Variants in DEPTOR observed in about 807,000 individuals in gnomAD.
DEPTOR encodes the protein DEP domain-containing mTOR-interacting protein.
In DEPTOR, 41 loss-of-function variants were observed where a neutral mutation model predicts 41.6. The observed-to-expected ratio is 0.98, with a 90% CI of 0.77 to 1.28. The LOEUF (loss-of-function observed/expected upper bound fraction) is 1.28. Ranked by LOEUF, DEPTOR falls within the 50% of genes most tolerant of loss-of-function variation. The pLI, the probability that DEPTOR is intolerant of heterozygous loss-of-function variation, is 0.00. For synonymous variants in DEPTOR, 195 were observed against 192.3 expected, an observed-to-expected ratio of 1.01 and a Z score of -0.12; for missense variants, 514 against 527.9, an observed-to-expected ratio of 0.97 and a Z score of 0.26.
At chr8:119,980,324 T>C (rs2875930) in intron 4 of DEPTOR, among the ~76,000 whole-genome samples, 115,040 of 152,020 alleles carry the variant, frequency 0.76, 43,703 homozygotes, top group Middle Eastern at 0.86. Flanking sequence ...TGTTTTTTCA[T>C]TTTAATCAGA....
chr8:120,005,956 G>T (rs1237783519), intron 6 of DEPTOR, among the ~76,000 whole-genome samples: 1 of 152,142 alleles, frequency 6.6e-6, no homozygotes, highest in Non-Finnish European at 1.5e-5. Flanking sequence ...GTAGCTGAGA[G>T]TGTGGGTGCT....
At chr8:120,044,171 T>A (rs1813121379) in intron 8 of DEPTOR, among the ~76,000 whole-genome samples, 1 of 151,258 alleles carries the variant, frequency 6.6e-6, no homozygotes, top group South Asian at 2.1e-4. Context: ...TTTATTTATT[T>A]ATTTTTTTGA....
intron 1 of DEPTOR, among the ~76,000 whole-genome samples, chr8:119,878,828 G>A (rs1449030132): frequency 2.6e-5 from 4 of 151,744 alleles, no homozygotes; most frequent in South Asian, 4.2e-4. Context: ...ATGCATTTGG[G>A]GCCAGGCGCG....
chr8:119,907,504 C>T (rs949797463), intron 1 of DEPTOR, among the ~76,000 whole-genome samples: 7 of 152,022 alleles, frequency 4.6e-5, no homozygotes, highest in Admixed American at 4.6e-4. Flanking sequence ...TGATTCCTGC[C>T]CTTAGGGAGA....
chr8:120,011,313 G>A (rs1812528525), intron 8 of DEPTOR, among the ~76,000 whole-genome samples: 1 of 152,192 alleles, frequency 6.6e-6, no homozygotes, highest in African/African-American at 2.4e-5. Context: ...CTCTGGGGCA[G>A]CCATGGAAGC....
intron 3 of DEPTOR, among the ~76,000 whole-genome samples, chr8:119,964,628 G>C (rs1378945086): frequency 6.6e-6 from 1 of 151,532 alleles, no homozygotes; most frequent in African/African-American, 2.4e-5. Context: ...AGAAATACTA[G>C]CTTTTTCAGA....
chr8:119,912,664 C>A (rs988063284), intron 1 of DEPTOR, among the ~76,000 whole-genome samples: 1 of 152,192 alleles, frequency 6.6e-6, no homozygotes, highest in Non-Finnish European at 1.5e-5. Flanking sequence ...ATGATCATAA[C>A]CCTACACAGT....
At chr8:119,971,741 C>A (rs1828636681) in intron 4 of DEPTOR, among the ~76,000 whole-genome samples, 1 of 152,130 alleles carries the variant, frequency 6.6e-6, no homozygotes, top group African/African-American at 2.4e-5. Flanking sequence ...TTCAGCATAT[C>A]AAAGTGCTAT....
intron 8 of DEPTOR, among the ~76,000 whole-genome samples, chr8:120,016,587 C>T (rs1176392776): frequency 6.6e-6 from 1 of 151,856 alleles, no homozygotes; most frequent in African/African-American, 2.4e-5. Context: ...AGGTGTGAGC[C>T]ACCATGCCTG....
intron 3 of DEPTOR, among the ~76,000 whole-genome samples, chr8:119,950,258 C>T (rs1320327866): frequency 6.6e-6 from 1 of 152,008 alleles, no homozygotes; most frequent in Non-Finnish European, 1.5e-5. Flanking sequence ...ATAATGAAAG[C>T]GGAGACTGCT....
chr8:119,908,378 C>T (rs1586609525), intron 1 of DEPTOR, among the ~76,000 whole-genome samples: 3 of 151,932 alleles, frequency 2.0e-5, no homozygotes, highest in Non-Finnish European at 2.9e-5. Flanking sequence ...GGCTTGAGGC[C>T]AGGAGTTCCA....
chr8:119,926,145 C>T (rs1251674830), intron 1 of DEPTOR, among the ~76,000 whole-genome samples: 4 of 152,034 alleles, frequency 2.6e-5, no homozygotes, highest in South Asian at 4.2e-4. Context: ...TTCTGTGCTC[C>T]GATTTCACTC....
intron 1 of DEPTOR, among the ~76,000 whole-genome samples, chr8:119,903,638 G>A (rs533190196): frequency 6.6e-6 from 1 of 152,222 alleles, no homozygotes; most frequent in African/African-American, 2.4e-5. Flanking sequence ...GACAGTCTTG[G>A]TCTCCTATTT....
At chr8:120,045,071 C>T (rs1003886833) in intron 8 of DEPTOR, among the ~76,000 whole-genome samples, 1 of 152,190 alleles carries the variant, frequency 6.6e-6, no homozygotes, top group Non-Finnish European at 1.5e-5. Flanking sequence ...AGGGTCTTCA[C>T]CTGATCCTCT....
At chr8:120,029,165 G>C (rs1367826765) in intron 8 of DEPTOR, among the ~76,000 whole-genome samples, 2 of 151,836 alleles carry the variant, frequency 1.3e-5, no homozygotes, top group South Asian at 4.2e-4. Flanking sequence ...CACCTGGCCC[G>C]TCTAACTGCC....
chr8:119,908,200 G>A (rs1280742026), intron 1 of DEPTOR, among the ~76,000 whole-genome samples: 13 of 152,138 alleles, frequency 8.5e-5, no homozygotes, highest in Non-Finnish European at 1.5e-4. Flanking sequence ...GGCTGGCCAA[G>A]AGAGGGCATG....
chr8:119,904,035 T>C (rs1827628434), intron 1 of DEPTOR, among the ~76,000 whole-genome samples: 1 of 152,096 alleles, frequency 6.6e-6, no homozygotes, highest in African/African-American at 2.4e-5. Context: ...CACCCCAAAG[T>C]GCCTCTATCC....
At chr8:119,941,851 T>C (rs1186701388) in intron 3 of DEPTOR, among the ~76,000 whole-genome samples, 1 of 152,224 alleles carries the variant, frequency 6.6e-6, no homozygotes, top group Non-Finnish European at 1.5e-5. Context: ...TTTCCAGCTC[T>C]AGGACCCATG....
intron 8 of DEPTOR, among the ~76,000 whole-genome samples, chr8:120,018,530 G>A (rs575295195): frequency 3.3e-5 from 5 of 152,222 alleles, no homozygotes; most frequent in African/African-American, 1.2e-4. Context: ...CGTGAACCAA[G>A]ATCACGCCAC....
Sources: gnomAD v4.1 joint callset for allele counts (sites outside exome capture counted in the v4.1 genomes callset) on GRCh38, gnomAD v4.1.1 for gene constraint, MANE v1.5 for transcripts, NCBI Gene and HGNC (gene_info 2026-07-23, HGNC 2026-07-21) for gene names.